The following TMCO6 variants were observed in gnomAD, a reference collection of about 807,000 sequenced individuals.
The protein encoded by TMCO6 is transmembrane and coiled-coil domain-containing protein 6.
In TMCO6, 47 loss-of-function variants were observed where a neutral mutation model predicts 61.8. The observed-to-expected ratio is 0.76, with a 90% CI of 0.60 to 0.97. TMCO6 has a LOEUF of 0.97. TMCO6 is among the 50% of genes least tolerant of loss of function. The pLI is 0.00. For synonymous variants in TMCO6, 261 were observed against 254.2 expected, an observed-to-expected ratio of 1.03 and a Z score of -0.25; for missense variants, 557 against 601.6, an observed-to-expected ratio of 0.93 and a Z score of 0.78.
At chr5:140,638,545 ATTTCTTTCTTTC>A (rs200557077), upstream of TMCO6, among the ~76,000 whole-genome samples, 1 of 147,306 alleles carries the variant, frequency 6.8e-6, no homozygotes, top group African/African-American at 2.5e-5. Context: ...CATATCCCAG[ATTTCTTTCTTTC>A]TTTCTTTCTT....
chr5:140,603,284 CTTATTTTATTTTA>C, the TMCO6 span, among the ~76,000 whole-genome samples: 2 of 151,974 alleles, frequency 1.3e-5, no homozygotes, highest in Admixed American at 6.6e-5. Flanking sequence ...CAGTGTTTGG[CTTATTTTATTTTA>C]TTATTTTATT....
In TMCO6 at chr5:140,642,711, C is replaced by T. The variant is rs774101521; in HGVS notation, c.689+40C>T. ...CTTTAGATGTGCAGCCAGAGGTGACCCACTCAGTAGTATAGCTCCCGGATG... is the reference window on the plus strand; with the variant it reads ...CTTTAGATGTGCAGCCAGAGGTGACTCACTCAGTAGTATAGCTCCCGGATG... On this transcript the variant is annotated intron_variant, in intron 6 of 11. Coordinates refer to ENST00000394671, the MANE Select transcript of TMCO6 (RefSeq NM_018502.5). 3.1e-6 allele frequency: 5 copies of T among 1,604,932 alleles called. No homozygotes were observed. In the East Asian group the frequency reaches 1.1e-4, roughly 36 times the overall value.
At chr5:140,605,788 A>G in the TMCO6 span, among the ~76,000 whole-genome samples, 2 of 151,984 alleles carry the variant, frequency 1.3e-5, no homozygotes, top group Non-Finnish European at 2.9e-5. Flanking sequence ...GAGTTTAAGT[A>G]AGATTGGCAT....
At chr5:140,632,967 CAGG>C in the TMCO6 span, 1 of 1,614,156 alleles carries the variant, frequency 6.2e-7, no homozygotes, top group South Asian at 1.1e-5. The surrounding 1 kb of genome is among the most constrained non-coding windows in gnomAD (Gnocchi z 6.2). Context: ...CAGCAACAAG[CAGG>C]ACGCGCGCTC....
the TMCO6 span, among the ~76,000 whole-genome samples, chr5:140,617,627 G>A: frequency 5.3e-5 from 8 of 151,858 alleles, no homozygotes; most frequent in Admixed American, 2.0e-4. Context: ...TTAGCTACTC[G>A]GGAGGCTGAA....
the TMCO6 span, among the ~76,000 whole-genome samples, chr5:140,616,734 C>T: frequency 6.6e-6 from 1 of 152,036 alleles, no homozygotes; most frequent in Non-Finnish European, 1.5e-5. Context: ...TCAATAACAG[C>T]AAAACAACAT....
chr5:140,620,837 C>T, the TMCO6 span, among the ~76,000 whole-genome samples: 1 of 152,076 alleles, frequency 6.6e-6, no homozygotes. Context: ...ATAGTGAGAC[C>T]TTGCCTCTAC....
chr5:140,617,937 G>A, the TMCO6 span, among the ~76,000 whole-genome samples: 3 of 152,092 alleles, frequency 2.0e-5, no homozygotes, highest in South Asian at 2.1e-4. Flanking sequence ...AAAACGGTAC[G>A]AGCAAAAGGC....
chr5:140,640,614 G>A (rs1216566454), intron 2 of TMCO6, among the ~76,000 whole-genome samples: 1 of 152,086 alleles, frequency 6.6e-6, no homozygotes, highest in Non-Finnish European at 1.5e-5. Context: ...TGTCAGGCTG[G>A]TCTGGAACAC....
chr5:140,628,184 A>T, the TMCO6 span, among the ~76,000 whole-genome samples: 102 of 30,178 alleles, frequency 3.4e-3, no homozygotes, highest in African/African-American at 9.9e-3. Context: ...ATATATATAT[A>T]TTTTTTCCCA....
rs1222257783 is a variant in TMCO6, at chr5:140,639,478, G to C, written c.-50G>C. The C allele has an allele frequency of 2.0e-6, 3 of 1,522,150 alleles. No homozygotes were observed. The highest frequency in any genetic ancestry group is 2.7e-6 in the Non-Finnish European group (3 of 1,122,610). 94.3% of individuals were successfully genotyped at this position (1,522,150 alleles called of 1,614,324 possible). On this transcript the variant is annotated 5_prime_UTR_variant, in exon 1 of 12. Transcript: ENST00000394671. ...AGTCGGTGCCATCTTCTACGCCCCT[G>C]GGAGCGTTGTGGCTGCTGTTTCCTT...
At chr5:140,646,608 C>T (rs867257216), downstream of TMCO6, among the ~76,000 whole-genome samples, 1 of 152,108 alleles carries the variant, frequency 6.6e-6, no homozygotes, top group South Asian at 2.1e-4. Context: ...ACATTTATTG[C>T]ATACCTACAA....
chr5:140,603,220 C>T, the TMCO6 span, among the ~76,000 whole-genome samples: 18 of 152,116 alleles, frequency 1.2e-4, no homozygotes, highest in African/African-American at 4.3e-4. Context: ...TATGAATTTG[C>T]CTATTCTGGA....
chr5:140,615,073 G>C, the TMCO6 span, among the ~76,000 whole-genome samples: 1 of 152,134 alleles, frequency 6.6e-6, no homozygotes, highest in African/African-American at 2.4e-5. Flanking sequence ...CAAAAAGCCT[G>C]TTATAACTAA....
the TMCO6 span, among the ~76,000 whole-genome samples, chr5:140,603,105 A>G: frequency 6.6e-6 from 1 of 151,986 alleles, no homozygotes; most frequent in Non-Finnish European, 1.5e-5. Context: ...TTCTAGTTTC[A>G]AAACTTTTCC....
chr5:140,606,812 C>T, the TMCO6 span, among the ~76,000 whole-genome samples: 1 of 152,142 alleles, frequency 6.6e-6, no homozygotes, highest in East Asian at 1.9e-4. Context: ...GCCTGTAGTC[C>T]CAGCTACTCG....
chr5:140,632,060 T>C, the TMCO6 span: 2 of 1,614,216 alleles, frequency 1.2e-6, no homozygotes, highest in Non-Finnish European at 1.7e-6. This position sits in a 1 kb window ranked among gnomAD's most constrained non-coding sequence, Gnocchi z 6.2. Flanking sequence ...CCCTGTTCAG[T>C]CTGTTGCAGC....
At chr5:140,606,126 C>T in the TMCO6 span, among the ~76,000 whole-genome samples, 1 of 99,248 alleles carries the variant, frequency 1.0e-5, no homozygotes, top group Non-Finnish European at 1.9e-5. Flanking sequence ...TTTCCTTTTC[C>T]TTTTCCCCTT....
downstream of TMCO6, chr5:140,647,399 C>T: frequency 1.2e-6 from 2 of 1,611,048 alleles, no homozygotes; most frequent in Non-Finnish European, 1.7e-6. Context: ...GTGCTGTGGG[C>T]GGGGGCTTCC....
Sources: allele counts gnomAD v4.1 joint callset (sites outside exome capture counted in the v4.1 genomes callset), GRCh38; gene constraint gnomAD v4.1.1; non-coding constraint Gnocchi (gnomAD v3.1); transcripts MANE v1.5; gene names NCBI Gene and HGNC (gene_info 2026-07-23, HGNC 2026-07-21).